The following CDV3 variants were observed in gnomAD, a reference collection of about 807,000 sequenced individuals.
CDV3 encodes the protein CDV3 homolog, also known as protein CDV3 homolog.
CDV3 carries 14 observed loss-of-function variants against 24.5 expected under a neutral mutation model. The observed-to-expected ratio is 0.57, with a 90% confidence interval of 0.38 to 0.89. CDV3 has a LOEUF of 0.89. Among genes scored for constraint, CDV3 ranks in the 40% least tolerant of loss-of-function variants. The pLI is 0.00. For missense variants in CDV3, 304 were observed against 310.2 expected, an observed-to-expected ratio of 0.98 and a Z score of 0.15; for synonymous variants, 114 against 114.1, an observed-to-expected ratio of 1.00 and a Z score of 0.00.
chr3:133,584,203 T>A, intron 3 of CDV3, 53 bp downstream of exon 3: 1 of 1,359,576 alleles, frequency 7.4e-7, no homozygotes, highest in Non-Finnish European at 1.0e-6. Context: ...TATGATTTTA[T>A]ATATGGTCCA....
intron 2 of CDV3, among the ~76,000 whole-genome samples, chr3:133,580,622 A>G (rs2107714756): frequency 6.6e-6 from 1 of 152,282 alleles, no homozygotes; most frequent in Middle Eastern, 3.4e-3. Flanking sequence ...GAATTGCTTG[A>G]ACCCGGGAGG....
At chr3:133,575,641 C>T (rs543183962) in intron 2 of CDV3, among the ~76,000 whole-genome samples, 5 of 152,350 alleles carry the variant, frequency 3.3e-5, no homozygotes, top group Admixed American at 2.6e-4. Context: ...AACACATACT[C>T]ACTGCATTCA....
chr3:133,574,819 T>A, intron 1 of CDV3: 1 of 827,122 alleles, frequency 1.2e-6, no homozygotes. Context: ...AAGTAACAGC[T>A]CCCATGCAGG....
At chr3:133,580,226 T>G (rs983555979) in intron 2 of CDV3, among the ~76,000 whole-genome samples, 4 of 151,822 alleles carry the variant, frequency 2.6e-5, no homozygotes, top group Admixed American at 1.3e-4. Flanking sequence ...CAGTGTTTGG[T>G]TTTCTGTCCT....
rs935732461 is a variant in CDV3 at position 133,583,879 on chromosome 3, C to T, written c.318-123C>T. The T allele has an allele frequency of 5.7e-5, 39 of 678,406 alleles. No individual in the cohort carries two copies. In the African/African-American group the frequency reaches 7.0e-4, roughly 12 times the overall value. 42.0% of individuals were successfully genotyped at this position (678,406 alleles called of 1,614,324 possible). A position where few individuals can be genotyped will look rare whatever the true frequency, so the allele number is the denominator to read the frequency against. Reference sequence around the variant, plus strand: ...ACCTGGCCTCACTTTTTAAATAAGACGTTCAGTCTCGAAAGAGATTGACTT... The same window carrying T: ...ACCTGGCCTCACTTTTTAAATAAGATGTTCAGTCTCGAAAGAGATTGACTT... On this transcript the variant is annotated intron_variant, in intron 2 of 4. Coordinates refer to ENST00000264993, the MANE Select transcript of CDV3 (RefSeq NM_017548.5).
At chr3:133,587,602 G>C in intron 4 of CDV3, 1 of 1,139,172 alleles carries the variant, frequency 8.8e-7, no homozygotes, top group Non-Finnish European at 1.1e-6. Flanking sequence ...AAGAGTCTTA[G>C]GAGGAATGTC....
chr3:133,574,904 C>A, intron 1 of CDV3, 135 bp from the exon 2 acceptor site: 1 of 735,906 alleles, frequency 1.4e-6, no homozygotes, highest in Non-Finnish European at 2.2e-6. Context: ...CAGAACGAAG[C>A]AAGGGCTTTG....
At chr3:133,578,283 T>C (rs976942444) in intron 2 of CDV3, among the ~76,000 whole-genome samples, 7 of 152,224 alleles carry the variant, frequency 4.6e-5, no homozygotes, top group African/African-American at 1.7e-4. Context: ...CTTCCATCTT[T>C]AAAGTGGATT....
At chr3:133,576,893 G>A (rs1031079644) in intron 2 of CDV3, among the ~76,000 whole-genome samples, 1 of 113,998 alleles carries the variant, frequency 8.8e-6, no homozygotes, top group East Asian at 2.6e-4. Flanking sequence ...TGTTGCCCAG[G>A]CTGGAGTGCA....
Position 133,573,946 on chromosome 3 carries a change from G to GCC in CDV3, c.-99_-98insCC. On this transcript the variant is annotated 5_prime_UTR_variant, in exon 1 of 5. Coordinates refer to ENST00000264993, the MANE Select transcript of CDV3 (RefSeq NM_017548.5). Reference sequence around the variant, plus strand: ...GCGGGGCTGAGGCGTCGCCGCGCCCGGCAGCGTGAGCGCAGAGCCGGCCTC... The same window carrying GCC: ...GCGGGGCTGAGGCGTCGCCGCGCCCGCCGCAGCGTGAGCGCAGAGCCGGCCTC... The GCC allele has an allele frequency of 1.0e-6, 1 of 964,212 alleles. No individual in the cohort carries two copies. The highest frequency in any genetic ancestry group is 1.2e-6 in the Non-Finnish European group (1 of 809,466). 59.7% of individuals were successfully genotyped at this position (964,212 alleles called of 1,614,324 possible). A position where few individuals can be genotyped will look rare whatever the true frequency, so the allele number is the denominator to read the frequency against.
chr3:133,579,554 A>T (rs138243550), intron 2 of CDV3, among the ~76,000 whole-genome samples: 1 of 151,970 alleles, frequency 6.6e-6, no homozygotes, highest in Admixed American at 6.5e-5. Context: ...CTGGGCTTCA[A>T]TTCCTTCAAT....
rs1038923470 is a variant in CDV3 at position 133,588,481 on chromosome 3, T to A, written c.*435T>A. The A allele has an allele frequency of 1.0e-6, 1 of 991,866 alleles. No homozygotes were observed. The highest frequency in any genetic ancestry group is 1.5e-6 in the Non-Finnish European group (1 of 665,870). The allele number at this position is 991,866 out of a possible 1,614,324, so 61.4% of individuals were successfully genotyped here. On this transcript the variant is annotated 3_prime_UTR_variant, in exon 5 of 5. Coordinates refer to ENST00000264993, the MANE Select transcript of CDV3 (RefSeq NM_017548.5). ...TCGATGTGAACCTTGCAACCAGCTCTACTGGATTCTTATCAGAAATCCTGC... is the reference window on the plus strand; with the variant it reads ...TCGATGTGAACCTTGCAACCAGCTCAACTGGATTCTTATCAGAAATCCTGC...
Position 133,574,142 on chromosome 3 carries a change from G to A in CDV3, c.98G>A (p.Gly33Asp). 8.4e-7 allele frequency: 1 copy of A among 1,188,184 alleles called. No individual in the cohort carries two copies. Among genetic ancestry groups the A allele is most frequent in the South Asian group, 1.6e-5 (1 of 61,718 alleles). The allele number at this position is 1,188,184 out of a possible 1,614,324, so 73.6% of individuals were successfully genotyped here. A position where few individuals can be genotyped will look rare whatever the true frequency, so the allele number is the denominator to read the frequency against. The change falls in exon 1 of 5, where the codon GGC becomes GAC. Residue 33 changes from glycine to aspartate, a missense_variant. Physicochemically the swap from Gly to Asp is moderately conservative, Grantham distance 94 (BLOSUM62 -1). Transcript: ENST00000264993. ...AGCAACCGGGCGGCGAGTGCCGCGG[G>A]CGCAGCGGGCAGCGCCGGCGGAAGC... ...ERSNRAASAA[G>D]AAGSAGGSSG...
Position 133,575,027 on chromosome 3 carries a change from T to C in CDV3, c.241-12T>C, listed in dbSNP as rs1411863501. On this transcript the variant is annotated splice_polypyrimidine_tract_variant and intron_variant, in intron 1 of 4. Coordinates refer to ENST00000264993, the MANE Select transcript of CDV3 (RefSeq NM_017548.5). ...AATAGCTTTAATTGATCAAATGGCG[T>C]TTGTTTTACAGGACGAAGATGAATG... is the stretch of plus-strand genomic sequence containing the variant. The C allele has an allele frequency of 1.9e-6, 3 of 1,554,030 alleles. No individual in the cohort carries two copies. The African/African-American group carries it at 4.1e-5, about 21-fold the overall frequency.
At chr3:133,575,609 T>TA (rs1463068264) in intron 2 of CDV3, among the ~76,000 whole-genome samples, 1 of 152,224 alleles carries the variant, frequency 6.6e-6, no homozygotes, top group Non-Finnish European at 1.5e-5. Context: ...GTATTACTGA[T>TA]ACAGAACAAG....
intron 2 of CDV3, among the ~76,000 whole-genome samples, chr3:133,575,494 T>C (rs940059479): frequency 8.5e-5 from 13 of 152,236 alleles, no homozygotes; most frequent in African/African-American, 3.1e-4. Flanking sequence ...CAAGTGAATA[T>C]ATGTTTTTGT....
At chr3:133,579,034 C>G (rs1387689495) in intron 2 of CDV3, among the ~76,000 whole-genome samples, 2 of 152,256 alleles carry the variant, frequency 1.3e-5, no homozygotes, top group East Asian at 3.9e-4. Context: ...ATAATAGAGC[C>G]TCTAGAATCC....
intron 2 of CDV3, among the ~76,000 whole-genome samples, chr3:133,577,560 A>C (rs554635699): frequency 3.8e-4 from 58 of 152,042 alleles, no homozygotes; most frequent in African/African-American, 1.3e-3. Context: ...GGGTTTCTCC[A>C]TGTTGTTCAG....
chr3:133,575,353 G>A (rs1393656658), intron 2 of CDV3, among the ~76,000 whole-genome samples: 3 of 152,182 alleles, frequency 2.0e-5, no homozygotes, highest in African/African-American at 7.2e-5. Context: ...TCCAGTTCTG[G>A]TTAGGACTTT....
Sources: allele counts gnomAD v4.1 joint callset (sites outside exome capture counted in the v4.1 genomes callset), GRCh38; gene constraint gnomAD v4.1.1; transcripts MANE v1.5; gene names NCBI Gene and HGNC (gene_info 2026-07-23, HGNC 2026-07-21).